DCLK2: variants seen among roughly 807,000 people sequenced by gnomAD.
DCLK2 encodes the protein serine/threonine-protein kinase DCLK2.
Under a neutral mutation model 78.4 loss-of-function variants are expected in DCLK2, and 31 were observed. That is an observed-to-expected ratio of 0.40 (90% CI 0.30 to 0.53). The LOEUF is 0.53. Among genes scored for constraint, DCLK2 ranks in the 20% least tolerant of loss-of-function variants. The probability of loss-of-function intolerance (pLI) is 0.61; values close to 1 mark genes in which losing one functional copy is unlikely to be tolerated. For synonymous variants in DCLK2, 407 were observed against 374.9 expected (o/e 1.09, Z -0.99); for missense variants, 872 against 973.7 (o/e 0.90, Z 1.39).
At chr4:150,239,142 T>C (rs909992755) in intron 10 of DCLK2, among the ~76,000 whole-genome samples, 4 of 152,164 alleles carry the variant, frequency 2.6e-5, no homozygotes, top group African/African-American at 9.7e-5. Flanking sequence ...GCCTACACTC[T>C]AACTACTGTG....
intron 1 of DCLK2, among the ~76,000 whole-genome samples, chr4:150,099,548 A>T (rs1730717827): frequency 1.3e-5 from 2 of 152,244 alleles, no homozygotes; most frequent in African/African-American, 4.8e-5. Context: ...GTTGTCGTCA[A>T]GGTATATGAC....
At chr4:150,238,329 C>G (rs1438167429) in intron 10 of DCLK2, among the ~76,000 whole-genome samples, 1 of 152,076 alleles carries the variant, frequency 6.6e-6, no homozygotes, top group African/African-American at 2.4e-5. Flanking sequence ...AGTCATTGCC[C>G]TATTACCCAT....
At chr4:150,185,907 CT>C (rs1737896217) in intron 2 of DCLK2, among the ~76,000 whole-genome samples, 1 of 152,112 alleles carries the variant, frequency 6.6e-6, no homozygotes, top group African/African-American at 2.4e-5. Context: ...AGAAAAATTA[CT>C]TTTTAAAGTC....
At chr4:150,232,595 C>G in intron 9 of DCLK2, 87 bp from the exon 10 acceptor site, 2 of 1,531,002 alleles carry the variant, frequency 1.3e-6, no homozygotes, top group Non-Finnish European at 1.8e-6. Flanking sequence ...TTGTGTCATT[C>G]TCTGCTTTAT....
intron 10 of DCLK2, among the ~76,000 whole-genome samples, chr4:150,236,283 G>A (rs4325992): frequency 0.94 from 143,530 of 152,224 alleles, 67,755 homozygotes; most frequent in Middle Eastern, 0.97. Context: ...AGTGCAGGCT[G>A]TAGTCAGGGT....
At chr4:150,224,098 T>C (rs1430624807) in intron 7 of DCLK2, among the ~76,000 whole-genome samples, 6 of 152,162 alleles carry the variant, frequency 3.9e-5, no homozygotes, top group African/African-American at 7.2e-5. Context: ...ACTTTAAATA[T>C]GAGTTTCTTA....
chr4:150,174,134 T>TG (rs1402684075), intron 2 of DCLK2, among the ~76,000 whole-genome samples: 2 of 152,186 alleles, frequency 1.3e-5, no homozygotes, highest in African/African-American at 4.8e-5. Context: ...GCTTCCCTCA[T>TG]GGACTCACCA....
chr4:150,126,723 T>C (rs1732942935), intron 2 of DCLK2, among the ~76,000 whole-genome samples: 1 of 152,216 alleles, frequency 6.6e-6, no homozygotes, highest in African/African-American at 2.4e-5. Context: ...TGCTGATATC[T>C]TCTGTAAACA....
At chr4:150,184,039 G>A (rs1344256068) in intron 2 of DCLK2, among the ~76,000 whole-genome samples, 3 of 152,054 alleles carry the variant, frequency 2.0e-5, no homozygotes, top group Non-Finnish European at 2.9e-5. Context: ...CAGCCTCAAG[G>A]CATTTCAATC....
At chr4:150,119,873 C>CT (rs919308468) in intron 2 of DCLK2, among the ~76,000 whole-genome samples, 14 of 152,270 alleles carry the variant, frequency 9.2e-5, no homozygotes, top group African/African-American at 3.4e-4. Flanking sequence ...ACATTTGCCT[C>CT]TATGCCAAAA....
At chr4:150,152,766 A>T (rs1198943409) in intron 2 of DCLK2, among the ~76,000 whole-genome samples, 6 of 152,300 alleles carry the variant, frequency 3.9e-5, no homozygotes, top group African/African-American at 1.4e-4. Flanking sequence ...TCAAAGAATA[A>T]TTTTTTTAAA....
chr4:150,123,020 G>A (rs1024571163), intron 2 of DCLK2, among the ~76,000 whole-genome samples: 18 of 152,258 alleles, frequency 1.2e-4, no homozygotes, highest in African/African-American at 4.1e-4. Flanking sequence ...TTAGGCTTTG[G>A]CTCAAGGGAA....
chr4:150,231,803 C>A (rs890536683), intron 8 of DCLK2, among the ~76,000 whole-genome samples: 1 of 152,130 alleles, frequency 6.6e-6, no homozygotes, highest in Non-Finnish European at 1.5e-5. Context: ...CATATCCAGT[C>A]ATAGAGGAAG....
intron 2 of DCLK2, among the ~76,000 whole-genome samples, chr4:150,144,244 G>A (rs1380071096): frequency 6.6e-6 from 1 of 152,064 alleles, no homozygotes; most frequent in African/African-American, 2.4e-5. Flanking sequence ...AATCCATCTT[G>A]AGTTAATTTT....
chr4:150,136,817 G>T (rs533154371), intron 2 of DCLK2, among the ~76,000 whole-genome samples: 1 of 152,172 alleles, frequency 6.6e-6, no homozygotes, highest in African/African-American at 2.4e-5. Context: ...GAGGGTACAG[G>T]ATTTTTTAAA....
chr4:150,139,803 G>C (rs1034257238), intron 2 of DCLK2, among the ~76,000 whole-genome samples: 1 of 152,176 alleles, frequency 6.6e-6, no homozygotes, highest in African/African-American at 2.4e-5. Context: ...ATGCCATTTT[G>C]AGTCAAGTGT....
intron 2 of DCLK2, among the ~76,000 whole-genome samples, chr4:150,180,321 G>T (rs1472251199): frequency 6.6e-6 from 1 of 152,158 alleles, no homozygotes; most frequent in African/African-American, 2.4e-5. Context: ...GAAATTCATT[G>T]TGTCATTGCA....
intron 6 of DCLK2, among the ~76,000 whole-genome samples, chr4:150,221,406 T>A (rs1741180054): frequency 6.6e-6 from 1 of 151,922 alleles, no homozygotes. Flanking sequence ...TTTAGTGAAA[T>A]ATCCTTTTTA....
chr4:150,086,177 C>T lies in DCLK2; in HGVS notation c.421+6729C>T, dbSNP rs143516869. Among the ~76,000 whole-genome samples the T allele has an allele frequency of 3.0e-3, 457 of 152,222 alleles. 4 individuals are homozygous for T. Among genetic ancestry groups the T allele is most frequent in the African/African-American group, 0.01 (434 of 41,556 alleles). ...TCCCATGAAACAAATGCTTCTGGCACGTGGTGTTTTTTTAATTAATTTTAC... is the reference window on the plus strand; with the variant it reads ...TCCCATGAAACAAATGCTTCTGGCATGTGGTGTTTTTTTAATTAATTTTAC... On this transcript the variant is annotated intron_variant, in intron 1 of 15. Coordinates refer to ENST00000296550, the MANE Select transcript of DCLK2 (RefSeq NM_001040260.4).
Sources: gnomAD v4.1 joint callset for allele counts (sites outside exome capture counted in the v4.1 genomes callset) on GRCh38, gnomAD v4.1.1 for gene constraint, MANE v1.5 for transcripts, NCBI Gene and HGNC (gene_info 2026-07-23, HGNC 2026-07-21) for gene names.